INPP4B: variants seen among roughly 807,000 people sequenced by gnomAD.
INPP4B encodes the protein inositol polyphosphate 4-phosphatase type II.
A neutral mutation model predicts 122.5 loss-of-function variants in INPP4B; 55 were observed. The ratio of observed to expected loss-of-function variants is 0.45; its 90% CI spans 0.36 to 0.56. The LOEUF (loss-of-function observed/expected upper bound fraction) is 0.56, where lower values mean the gene tolerates loss of function less well. Among genes scored for constraint, INPP4B ranks in the 20% least tolerant of loss-of-function variants. INPP4B has a pLI of 0.00. For synonymous variants in INPP4B, 403 were observed against 388.7 expected (o/e 1.04, Z -0.43); for missense variants, 1,000 against 1,097.7 (o/e 0.91, Z 1.26).
At chr4:142,809,034 T>G (rs182724568) in intron 1 of INPP4B, among the ~76,000 whole-genome samples, 288 of 152,222 alleles carry the variant, frequency 1.9e-3, no homozygotes, top group African/African-American at 6.5e-3. Context: ...ATTAAAAACC[T>G]TATTGTATGT....
chr4:142,484,928 C>G (rs540681399), intron 2 of INPP4B, among the ~76,000 whole-genome samples: 2 of 152,116 alleles, frequency 1.3e-5, no homozygotes, highest in East Asian at 3.9e-4. Flanking sequence ...TAATAATGCT[C>G]TATATTTTTA....
At chr4:142,810,827 C>T (rs1779420402) in intron 1 of INPP4B, among the ~76,000 whole-genome samples, 2 of 152,164 alleles carry the variant, frequency 1.3e-5, no homozygotes, top group South Asian at 4.1e-4. Flanking sequence ...ATGTATCCTA[C>T]ACTTATACTT....
At chr4:142,506,538 G>A (rs751217211) in intron 2 of INPP4B, among the ~76,000 whole-genome samples, 3 of 152,084 alleles carry the variant, frequency 2.0e-5, no homozygotes, top group Admixed American at 6.6e-5. Flanking sequence ...ACATGGCACC[G>A]TACCGACTTA....
chr4:142,144,659 A>G (rs528375419), intron 18 of INPP4B, among the ~76,000 whole-genome samples: 1 of 152,248 alleles, frequency 6.6e-6, no homozygotes, highest in Admixed American at 6.5e-5. Flanking sequence ...AAGTGTGAAC[A>G]TAAAGAACAT....
At chr4:142,257,783 T>A (rs1372018274) in intron 11 of INPP4B, among the ~76,000 whole-genome samples, 5 of 152,236 alleles carry the variant, frequency 3.3e-5, no homozygotes, top group Admixed American at 2.6e-4. Flanking sequence ...CTGCCCAAGG[T>A]AATTTATAGA....
At chr4:142,443,546 C>T (rs1342601965) in intron 3 of INPP4B, among the ~76,000 whole-genome samples, 2 of 152,038 alleles carry the variant, frequency 1.3e-5, no homozygotes, top group Non-Finnish European at 2.9e-5. Context: ...GAGAAAGTCC[C>T]ACCCCAAGAC....
chr4:142,581,361 C>T (rs1237566151), intron 2 of INPP4B, among the ~76,000 whole-genome samples: 1 of 151,912 alleles, frequency 6.6e-6, no homozygotes, highest in African/African-American at 2.4e-5. Flanking sequence ...AAACCAAGGG[C>T]AAGCAAACAA....
intron 2 of INPP4B, among the ~76,000 whole-genome samples, chr4:142,708,680 A>G (rs1762750976): frequency 6.6e-6 from 1 of 152,154 alleles, no homozygotes; most frequent in Non-Finnish European, 1.5e-5. Flanking sequence ...TAGATTTCAG[A>G]GAATGTATAG....
chr4:142,641,804 A>C (rs575723539), intron 2 of INPP4B, among the ~76,000 whole-genome samples: 1 of 152,256 alleles, frequency 6.6e-6, no homozygotes, highest in South Asian at 2.1e-4. Flanking sequence ...GGCTGTGTCA[A>C]ATGGTATTTC....
intron 3 of INPP4B, among the ~76,000 whole-genome samples, chr4:142,452,275 C>A (rs1001169288): frequency 6.6e-6 from 1 of 152,144 alleles, no homozygotes; most frequent in Non-Finnish European, 1.5e-5. Flanking sequence ...CAAATGGTAT[C>A]AGATCTGAAC....
At chr4:142,448,594 C>T (rs1220792560) in intron 3 of INPP4B, among the ~76,000 whole-genome samples, 1 of 152,094 alleles carries the variant, frequency 6.6e-6, no homozygotes, top group African/African-American at 2.4e-5. Flanking sequence ...CAGACAAATG[C>T]TAAATAATGT....
At chr4:142,654,944 T>C (rs1242586447) in intron 2 of INPP4B, among the ~76,000 whole-genome samples, 2 of 152,076 alleles carry the variant, frequency 1.3e-5, no homozygotes, top group Non-Finnish European at 2.9e-5. Context: ...TAAGATGTTA[T>C]ATAGCTGCCA....
At chr4:142,651,240 T>G (rs1752901156) in intron 2 of INPP4B, among the ~76,000 whole-genome samples, 1 of 152,172 alleles carries the variant, frequency 6.6e-6, no homozygotes, top group Non-Finnish European at 1.5e-5. Flanking sequence ...GGAAAATTTA[T>G]AGCACTAAAA....
intron 23 of INPP4B, 67 bp from the exon 24 acceptor site, chr4:142,086,323 GT>G: frequency 1.2e-6 from 1 of 848,178 alleles, no homozygotes; most frequent in South Asian, 1.5e-5. Context: ...GCCCATGGAG[GT>G]TTTTTCAATA....
At chr4:142,233,270 G>A (rs2149883037) in intron 12 of INPP4B, among the ~76,000 whole-genome samples, 1 of 152,006 alleles carries the variant, frequency 6.6e-6, no homozygotes, top group African/African-American at 2.4e-5. Context: ...TATATGAAAG[G>A]GACTTAGACA....
intron 1 of INPP4B, among the ~76,000 whole-genome samples, chr4:142,833,031 T>G (rs1300585534): frequency 6.6e-6 from 1 of 152,154 alleles, no homozygotes; most frequent in African/African-American, 2.4e-5. Context: ...TTTGGTTTTT[T>G]TCTTGTTTGG....
At chr4:142,598,564 C>T (rs889920492) in intron 2 of INPP4B, among the ~76,000 whole-genome samples, 1 of 152,136 alleles carries the variant, frequency 6.6e-6, no homozygotes, top group Non-Finnish European at 1.5e-5. Flanking sequence ...CTGGAGAGCC[C>T]CCAGTACTCC....
In INPP4B at chr4:142,152,066, C is replaced by CTTTTTTTTTTTTTTTTTTTTTTTTTTT. The variant is rs572092121; in HGVS notation, c.1564-6097_1564-6071dup. On this transcript the variant is annotated intron_variant, in intron 17 of 25. Transcript: ENST00000262992. ...TGCCTAACATGCTTTTTTGTCTTTTCTTTTTTTTTTTTTTTTTTTTTTTTT... is the reference window on the plus strand; with the variant it reads ...TGCCTAACATGCTTTTTTGTCTTTTCTTTTTTTTTTTTTTTTTTTTTTTTTTTTTTTTTTTTTTTTTTTTTTTTTTTT... Among the ~76,000 whole-genome samples, 11 of 69,950 alleles carry CTTTTTTTTTTTTTTTTTTTTTTTTTTT rather than the reference C, an allele frequency of 1.6e-4. 2 individuals are homozygous for CTTTTTTTTTTTTTTTTTTTTTTTTTTT. Among genetic ancestry groups the CTTTTTTTTTTTTTTTTTTTTTTTTTTT allele is most frequent in the African/African-American group, 5.6e-4 (10 of 18,000 alleles). The allele number at this position is 69,950 out of a possible 152,430, so 45.9% of individuals were successfully genotyped here.
At chr4:142,702,628 G>C (rs1761950025) in intron 2 of INPP4B, among the ~76,000 whole-genome samples, 1 of 151,226 alleles carries the variant, frequency 6.6e-6, no homozygotes, top group South Asian at 2.1e-4. Flanking sequence ...TACTCGGGAG[G>C]CTGAGGCAGG....
Sources: gnomAD v4.1 joint callset for allele counts (sites outside exome capture counted in the v4.1 genomes callset) on GRCh38, gnomAD v4.1.1 for gene constraint, MANE v1.5 for transcripts, NCBI Gene and HGNC (gene_info 2026-07-23, HGNC 2026-07-21) for gene names.